ATP11C: variants seen among roughly 807,000 people sequenced by gnomAD.
ATP11C encodes ATPase phospholipid transporting 11C (ATP11C blood group), also known as phospholipid-transporting ATPase IG.
A neutral mutation model predicts 97.4 loss-of-function variants in ATP11C; 36 were observed. The ratio of observed to expected loss-of-function variants is 0.37; its 90% CI spans 0.28 to 0.49. ATP11C has a LOEUF of 0.49. Ranked by LOEUF, ATP11C falls within the 20% of genes least tolerant of loss-of-function variation. ATP11C has a pLI of 0.98. For missense variants in ATP11C, 730 were observed against 824.6 expected (o/e 0.89, Z 1.40); for synonymous variants, 275 against 290.9 (o/e 0.95, Z 0.56).
chrX:139,935,515 G>A (rs1317411550), upstream of ATP11C, among the ~76,000 whole-genome samples: 6 of 111,458 alleles, frequency 5.4e-5, no homozygotes, highest in African/African-American at 2.0e-4. Context: ...AGGTTGCAGT[G>A]AGCCGAGATC....
At chrX:139,732,793 G>A (rs1157773673) in intron 28 of ATP11C, among the ~76,000 whole-genome samples, 1 of 111,005 alleles carries the variant, frequency 9.0e-6, no homozygotes, top group Non-Finnish European at 1.9e-5. Context: ...TGGGAAAATT[G>A]ACTATTTTAA....
intron 1 of ATP11C, among the ~76,000 whole-genome samples, chrX:139,868,566 A>C (rs1264493768): frequency 9.2e-6 from 1 of 108,190 alleles, no homozygotes; most frequent in Non-Finnish European, 1.9e-5. Context: ...AAGTACAAAA[A>C]AAAAAAAAAA....
intron 1 of ATP11C, among the ~76,000 whole-genome samples, chrX:139,914,302 T>G (rs1455258788): frequency 1.8e-5 from 2 of 112,443 alleles, no homozygotes; most frequent in African/African-American, 6.5e-5. Flanking sequence ...AGTTCTAGGA[T>G]TCACTGAGCC....
At chrX:139,731,181 A>G (rs1404851625) in intron 29 of ATP11C, among the ~76,000 whole-genome samples, 2 of 111,937 alleles carry the variant, frequency 1.8e-5, no homozygotes, top group East Asian at 5.6e-4. Context: ...CAGACACAGC[A>G]CATGAAGGTA....
chrX:139,883,072 G>A (rs1311796047), intron 1 of ATP11C, among the ~76,000 whole-genome samples: 1 of 111,764 alleles, frequency 8.9e-6, no homozygotes, highest in Non-Finnish European at 1.9e-5. Flanking sequence ...GGTGGACAGG[G>A]CAAAGCAGAA....
At position 139,761,194 on chromosome X, in the gene ATP11C, C is replaced by G. The variant is rs777203557; in HGVS notation, c.2640+767G>C. Among the ~76,000 whole-genome samples, 148 of 110,722 alleles carry G rather than the reference C, an allele frequency of 1.3e-3. 1 individual carries two copies. The highest frequency in any genetic ancestry group is 4.0e-3 in the African/African-American group (121 of 30,426). On this transcript the variant is annotated intron_variant, in intron 22 of 29. Coordinates refer to ENST00000682941, the MANE Select transcript of ATP11C (RefSeq NM_001353812.2). ...GCTGAGGCATGAGCATCATTTGAAC[C>G]CAGGAGGCAGAGGCTACAGTGAGCC...
intron 27 of ATP11C, 145 bp from the exon 28 acceptor site, chrX:139,738,214 G>A: frequency 1.3e-5 from 5 of 395,754 alleles, no homozygotes; most frequent in Non-Finnish European, 1.6e-5. Context: ...ATATCCCAAA[G>A]TAATAAACAA....
intron 26 of ATP11C, among the ~76,000 whole-genome samples, chrX:139,743,301 T>G (rs1303022246): frequency 9.1e-6 from 1 of 110,276 alleles, no homozygotes; most frequent in Non-Finnish European, 1.9e-5. Flanking sequence ...ATTTTCGACA[T>G]AAGTATGGTG....
chrX:139,809,993 T>C (rs995143285), intron 5 of ATP11C, among the ~76,000 whole-genome samples: 7 of 111,437 alleles, frequency 6.3e-5, no homozygotes, highest in African/African-American at 2.3e-4. Context: ...TGGTAAAGTT[T>C]ATTTTATATA....
chrX:139,907,334 C>T (rs763715736), intron 1 of ATP11C, among the ~76,000 whole-genome samples: 3 of 111,717 alleles, frequency 2.7e-5, no homozygotes, highest in Non-Finnish European at 5.6e-5. Context: ...GTTTCTGTCA[C>T]CTTCCTAAAG....
chrX:139,729,054 G>T (rs2081293325), intron 29 of ATP11C, 92 bp from the exon 30 acceptor site: 2 of 678,034 alleles, frequency 2.9e-6, no homozygotes, highest in Admixed American at 5.8e-5. Flanking sequence ...AGTAAATTTT[G>T]TTATGAGAGT....
intron 20 of ATP11C, among the ~76,000 whole-genome samples, chrX:139,763,662 G>A (rs933364902): frequency 6.2e-5 from 7 of 112,064 alleles, no homozygotes; most frequent in African/African-American, 1.9e-4. Context: ...TAACTACAAC[G>A]TAAATGCTAT....
chrX:139,798,142 A>C lies in ATP11C; in HGVS notation c.857+131T>G, dbSNP rs971249781. On this transcript the variant is annotated intron_variant, in intron 10 of 29. Coordinates refer to ENST00000682941, the MANE Select transcript of ATP11C (RefSeq NM_001353812.2). ...AATCATTGAGCACAGTTTCTGGTACATAAACAAGTGCTTAAAATTGTAGTT... is the reference window on the plus strand; with the variant it reads ...AATCATTGAGCACAGTTTCTGGTACCTAAACAAGTGCTTAAAATTGTAGTT... The C allele has an allele frequency of 2.2e-5, 12 of 548,222 alleles. No individual in the cohort carries two copies. The African/African-American group carries it at 2.9e-4, about 13-fold the overall frequency. The allele number at this position is 548,222 out of a possible 1,213,427, so 45.2% of individuals were successfully genotyped here.
chrX:139,850,738 C>A, intron 1 of ATP11C, among the ~76,000 whole-genome samples: 1 of 110,295 alleles, frequency 9.1e-6, no homozygotes, highest in East Asian at 2.9e-4. Flanking sequence ...GATGGTGAAA[C>A]CCCGTCTACT....
chrX:139,802,370 CA>C (rs2082945204), intron 6 of ATP11C, 31 bp from the exon 7 acceptor site: 6 of 1,009,492 alleles, frequency 5.9e-6, no homozygotes, highest in Admixed American at 2.3e-5. Context: ...AAGTGAAAAC[CA>C]AAAAAACTTT....
intron 18 of ATP11C, among the ~76,000 whole-genome samples, chrX:139,778,247 C>T (rs2082386764): frequency 9.0e-6 from 1 of 111,498 alleles, no homozygotes; most frequent in Non-Finnish European, 1.9e-5. Context: ...AAGTTTTTCC[C>T]AGACAAGCAA....
chrX:139,765,890 G>A (rs1415887), intron 20 of ATP11C, among the ~76,000 whole-genome samples: 14,757 of 111,201 alleles, frequency 0.13, 1,448 homozygotes, highest in African/African-American at 0.33. Context: ...TGGAAAAGAC[G>A]ATGTAATAAG....
At chrX:139,917,305 G>C (rs773708068) in intron 1 of ATP11C, among the ~76,000 whole-genome samples, 6 of 111,899 alleles carry the variant, frequency 5.4e-5, no homozygotes, top group African/African-American at 9.7e-5. Flanking sequence ...TAAAAGCACA[G>C]GCAACGAAAG....
At chrX:139,753,548 C>T (rs2081868068) in intron 23 of ATP11C, among the ~76,000 whole-genome samples, 1 of 111,919 alleles carries the variant, frequency 8.9e-6, no homozygotes, top group Non-Finnish European at 1.9e-5. Context: ...GTGGCTGAAG[C>T]CTGTAATCCC....
Sources: allele counts gnomAD v4.1 joint callset (sites outside exome capture counted in the v4.1 genomes callset), GRCh38; gene constraint gnomAD v4.1.1; transcripts MANE v1.5; gene names NCBI Gene and HGNC (gene_info 2026-07-23, HGNC 2026-07-21).